Variants in GPC6 observed in about 807,000 individuals in gnomAD.
GPC6 encodes glypican 6.
In GPC6, 14 loss-of-function variants were observed where a neutral mutation model predicts 55.2. That is an observed-to-expected ratio of 0.25 (90% CI 0.17 to 0.40). GPC6 has a LOEUF of 0.40. GPC6 is among the 10% of genes least tolerant of loss of function. The probability of loss-of-function intolerance (pLI) is 1.00; values close to 1 mark genes in which losing one functional copy is unlikely to be tolerated. For missense variants in GPC6, 641 were observed against 708.5 expected (o/e 0.90, Z 1.08); for synonymous variants, 278 against 259.6 (o/e 1.07, Z -0.68).
At chr13:94,084,436 A>G (rs148572945) in intron 4 of GPC6, among the ~76,000 whole-genome samples, 1 of 152,340 alleles carries the variant, frequency 6.6e-6, no homozygotes, top group East Asian at 1.9e-4. Flanking sequence ...GCCATGATTC[A>G]TGATAGAAAT....
At chr13:94,110,919 A>C (rs61962310) in intron 4 of GPC6, among the ~76,000 whole-genome samples, 1 of 151,966 alleles carries the variant, frequency 6.6e-6, no homozygotes, top group Non-Finnish European at 1.5e-5. Context: ...GACATTTTCA[A>C]TTTTATTTGA....
At chr13:94,273,997 T>G (rs1164651619) in intron 4 of GPC6, among the ~76,000 whole-genome samples, 1 of 152,234 alleles carries the variant, frequency 6.6e-6, no homozygotes, top group Non-Finnish European at 1.5e-5. Context: ...ATCACATTCA[T>G]GATTTACAAG....
At chr13:93,654,466 T>G (rs1045991862) in intron 2 of GPC6, among the ~76,000 whole-genome samples, 1 of 152,020 alleles carries the variant, frequency 6.6e-6, no homozygotes, top group African/African-American at 2.4e-5. Context: ...TAACTGGGAT[T>G]ACAGGTGCTT....
intron 3 of GPC6, among the ~76,000 whole-genome samples, chr13:93,866,430 A>G (rs1360300): frequency 0.67 from 101,065 of 151,584 alleles, 34,334 homozygotes; most frequent in East Asian, 0.81. Flanking sequence ...TATGTTCACC[A>G]CAACGCCGTT....
intron 3 of GPC6, among the ~76,000 whole-genome samples, chr13:93,921,927 T>C (rs1050753774): frequency 1.3e-5 from 2 of 151,620 alleles, no homozygotes; most frequent in Non-Finnish European, 2.9e-5. Flanking sequence ...CCTGTCCGTA[T>C]CAATATGCTA....
chr13:93,253,129 A>G (rs1305714806), intron 1 of GPC6, among the ~76,000 whole-genome samples: 1 of 152,216 alleles, frequency 6.6e-6, no homozygotes, highest in East Asian at 1.9e-4. Flanking sequence ...ACTGACAGCA[A>G]TTTTCAAATA....
intron 4 of GPC6, among the ~76,000 whole-genome samples, chr13:94,086,903 A>G (rs1406804074): frequency 6.6e-6 from 1 of 152,204 alleles, no homozygotes; most frequent in Non-Finnish European, 1.5e-5. Flanking sequence ...TATTTGGCAG[A>G]CTATCTTATT....
At chr13:93,872,472 A>G (rs1001918589) in intron 3 of GPC6, among the ~76,000 whole-genome samples, 7 of 151,984 alleles carry the variant, frequency 4.6e-5, no homozygotes, top group Non-Finnish European at 5.9e-5. Context: ...GTGGAAGTCA[A>G]AAGTCCAAAA....
intron 1 of GPC6, among the ~76,000 whole-genome samples, chr13:93,376,049 C>T (rs1874880603): frequency 2.2e-5 from 3 of 137,786 alleles, no homozygotes; most frequent in African/African-American, 5.4e-5. Context: ...GCATCTGGCA[C>T]TTTTTTTTTT....
At chr13:93,655,203 C>A (rs536295520) in intron 2 of GPC6, among the ~76,000 whole-genome samples, 117 of 152,060 alleles carry the variant, frequency 7.7e-4, no homozygotes, top group African/African-American at 2.7e-3. Context: ...GCATCTGTGG[C>A]TGAATATTTG....
At chr13:94,124,094 A>G (rs1291168698) in intron 4 of GPC6, among the ~76,000 whole-genome samples, 2 of 152,272 alleles carry the variant, frequency 1.3e-5, no homozygotes, top group East Asian at 3.9e-4. Context: ...ACCTTTAAAA[A>G]TGTGACTTTA....
intron 4 of GPC6, among the ~76,000 whole-genome samples, chr13:94,259,527 C>A (rs771591368): frequency 6.6e-6 from 1 of 152,014 alleles, no homozygotes; most frequent in Non-Finnish European, 1.5e-5. Context: ...AATATTTTAA[C>A]GATTTTTTGG....
chr13:93,441,607 G>A (rs1323361022), intron 1 of GPC6, among the ~76,000 whole-genome samples: 2 of 152,112 alleles, frequency 1.3e-5, no homozygotes, highest in African/African-American at 4.8e-5. Context: ...TTTGTCAGAT[G>A]GGTAGATTGT....
In GPC6 at chr13:94,290,429, TAAAAAA is replaced by T. The variant is rs532958421; in HGVS notation, c.1008+3965_1008+3970del. 1.0e-4 allele frequency among the ~76,000 whole-genome samples: 10 copies of T among 99,044 alleles called. 1 individual carries two copies. The South Asian group carries it at 1.3e-3, about 13-fold the overall frequency. The allele number at this position is 99,044 out of a possible 152,430, so 65.0% of individuals were successfully genotyped here. Reference sequence around the variant, plus strand: ...GGATGAGACTCTGGCTCTAGAAAGGTAAAAAAAAAAAAAAAAAAAAGAAAAAGAAAA... The same window carrying T: ...GGATGAGACTCTGGCTCTAGAAAGGTAAAAAAAAAAAAAAGAAAAAGAAAA... On this transcript the variant is annotated intron_variant, in intron 5 of 8. Transcript: ENST00000377047.
chr13:93,671,706 A>C (rs2139628304), intron 2 of GPC6, among the ~76,000 whole-genome samples: 1 of 152,034 alleles, frequency 6.6e-6, no homozygotes, highest in Middle Eastern at 3.4e-3. Context: ...CGGGTACCAA[A>C]TGGGGCTGTC....
chr13:93,230,922 T>C (rs1875983403), intron 1 of GPC6, among the ~76,000 whole-genome samples: 1 of 152,124 alleles, frequency 6.6e-6, no homozygotes, highest in African/African-American at 2.4e-5. Flanking sequence ...ATTATAACAC[T>C]TTGTAGTTAA....
intron 1 of GPC6, among the ~76,000 whole-genome samples, chr13:93,418,467 C>T (rs185190554): frequency 8.4e-4 from 125 of 149,638 alleles, no homozygotes; most frequent in African/African-American, 2.9e-3. Flanking sequence ...TGTAGTATTA[C>T]TTTATTAATA....
chr13:94,220,907 C>G (rs1207802522), intron 4 of GPC6, among the ~76,000 whole-genome samples: 1 of 151,938 alleles, frequency 6.6e-6, no homozygotes, highest in African/African-American at 2.4e-5. Flanking sequence ...TTCTAGGAAA[C>G]TAGGAGTTAG....
chr13:93,861,105 A>G (rs559501234), intron 3 of GPC6, among the ~76,000 whole-genome samples: 1 of 151,502 alleles, frequency 6.6e-6, no homozygotes, highest in Admixed American at 6.6e-5. Context: ...ATCCGTGTAA[A>G]CCCCTTAGAA....
Sources: gnomAD v4.1 joint callset for allele counts (sites outside exome capture counted in the v4.1 genomes callset) on GRCh38, gnomAD v4.1.1 for gene constraint, MANE v1.5 for transcripts, NCBI Gene and HGNC (gene_info 2026-07-23, HGNC 2026-07-21) for gene names.